The following CENPK variants were observed in gnomAD, a reference collection of about 807,000 sequenced individuals.
The protein encoded by CENPK is SoxLZ/Sox6-binding protein Solt.
Under a neutral mutation model 40.9 loss-of-function variants are expected in CENPK, and 46 were observed. The observed-to-expected ratio is 1.13, with a 90% confidence interval of 0.89 to 1.44. The LOEUF (loss-of-function observed/expected upper bound fraction) is 1.44. Among genes scored for constraint, CENPK ranks in the 40% most tolerant of loss-of-function variants. CENPK has a pLI of 0.00. For missense variants in CENPK, 288 were observed against 303.5 expected, an observed-to-expected ratio of 0.95 and a Z score of 0.38; for synonymous variants, 107 against 104.4, an observed-to-expected ratio of 1.02 and a Z score of -0.15.
the CENPK span, among the ~76,000 whole-genome samples, chr5:65,508,871 C>T: frequency 0.41 from 61,256 of 150,032 alleles, 12,801 homozygotes; most frequent in East Asian, 0.65. Flanking sequence ...TTTTTAGATA[C>T]GGCACCAAAA....
At chr5:65,538,185 GTAT>G (rs1170894513) in intron 6 of CENPK, among the ~76,000 whole-genome samples, 1 of 152,050 alleles carries the variant, frequency 6.6e-6, no homozygotes, top group Non-Finnish European at 1.5e-5. Flanking sequence ...CCTGTGGATG[GTAT>G]TATTTCTTTA....
At chr5:65,513,264 T>C (rs930186822), downstream of CENPK, among the ~76,000 whole-genome samples, 3 of 152,164 alleles carry the variant, frequency 2.0e-5, no homozygotes, top group African/African-American at 7.2e-5. Context: ...TCTAACTTTG[T>C]TCTTCTTAAA....
At position 65,542,845 on chromosome 5, in the gene CENPK, A is replaced by C; in HGVS notation, c.245T>G (p.Ile82Ser). 1 of 1,608,828 alleles carries C rather than the reference A, an allele frequency of 6.2e-7. No individual in the cohort carries two copies. Among genetic ancestry groups the C allele is most frequent in the Non-Finnish European group, 8.5e-7 (1 of 1,177,848 alleles). Residue 82 changes from isoleucine to serine, a missense_variant, in exon 6 of 11, where the codon ATT becomes AGT. Transcript: ENST00000396679. ...TATGAGAACGTCTTCAGTCAAGGGA[A>C]TTGCTACAAAAACAAAACAAAACAA... ...SQWQKKTPET[I>S]PLTEDVLITL...
intron 6 of CENPK, among the ~76,000 whole-genome samples, chr5:65,539,713 G>A (rs570519772): frequency 2.9e-4 from 44 of 152,324 alleles, no homozygotes; most frequent in Non-Finnish European, 4.7e-4. Context: ...CGCTGTGCCT[G>A]GGCACCATGG....
chr5:65,529,506 T>G (rs1238296089), intron 6 of CENPK: 2 of 213,692 alleles, frequency 9.4e-6, no homozygotes, highest in Non-Finnish European at 1.9e-5. Flanking sequence ...TTTTTTTTTT[T>G]TGAGACAGTC....
rs970156172 is a variant in CENPK at position 65,518,108 on chromosome 5, C to A, written c.*367G>T. The A allele has an allele frequency of 6.5e-6, 1 of 152,818 alleles. No homozygotes were observed. Among genetic ancestry groups the A allele is most frequent in the African/African-American group, 2.4e-5 (1 of 41,394 alleles). 9.5% of individuals were successfully genotyped at this position (152,818 alleles called of 1,614,324 possible). A position where few individuals can be genotyped will look rare whatever the true frequency, so the allele number is the denominator to read the frequency against. On this transcript the variant is annotated 3_prime_UTR_variant, in exon 11 of 11. Transcript: ENST00000396679. ...ATAATTTCTAAATATAAAGAAGCAC[C>A]AGCTGGAACTCAAAATGCATAAAAG...
the CENPK span, among the ~76,000 whole-genome samples, chr5:65,497,267 C>A: frequency 1.0e-3 from 152 of 151,602 alleles, no homozygotes; most frequent in East Asian, 0.028. Context: ...ACTCGGGTGG[C>A]TAAGGCAGGA....
At chr5:65,514,806 T>G (rs1742750839), downstream of CENPK, among the ~76,000 whole-genome samples, 1 of 152,232 alleles carries the variant, frequency 6.6e-6, no homozygotes, top group Admixed American at 6.5e-5. Flanking sequence ...TTCACAAAAT[T>G]GGTCCATTTC....
intron 9 of CENPK, among the ~76,000 whole-genome samples, chr5:65,527,646 A>G (rs756016362): frequency 1.3e-5 from 2 of 150,838 alleles, no homozygotes; most frequent in African/African-American, 4.9e-5. Context: ...AAAATAGTCA[A>G]TAACTTACAT....
intron 6 of CENPK, chr5:65,541,243 C>A: frequency 2.7e-6 from 1 of 370,312 alleles, no homozygotes; most frequent in South Asian, 2.0e-5. Flanking sequence ...ATGGAAACCC[C>A]TGATTTATAG....
At chr5:65,559,210 A>G (rs1751492397) in intron 2 of CENPK, among the ~76,000 whole-genome samples, 1 of 152,266 alleles carries the variant, frequency 6.6e-6, no homozygotes, top group East Asian at 1.9e-4. Flanking sequence ...GATACTTCAT[A>G]TTCATGGACT....
rs1270842832 is a variant in CENPK at position 65,541,439 on chromosome 5, G to T, written c.288+1363C>A. 5 of 456,266 alleles carry T rather than the reference G, an allele frequency of 1.1e-5. No homozygotes were observed. The Admixed American group carries it at 1.2e-4, about 11-fold the overall frequency. The allele number at this position is 456,266 out of a possible 1,614,324, so 28.3% of individuals were successfully genotyped here. ...GAGAGAATCATCATCTGCAGAATCTGCCAAAGAATTGGTTGCTGGTGAGAA... is the reference window on the plus strand; with the variant it reads ...GAGAGAATCATCATCTGCAGAATCTTCCAAAGAATTGGTTGCTGGTGAGAA... On this transcript the variant is annotated intron_variant, in intron 6 of 10. Coordinates refer to ENST00000396679, the MANE Select transcript of CENPK (RefSeq NM_022145.5).
chr5:65,562,881 A>G (rs1752272451), intron 1 of CENPK: 1 of 156,374 alleles, frequency 6.4e-6, no homozygotes, highest in Non-Finnish European at 1.4e-5. Context: ...GAAACCCGCG[A>G]GTTAACCACT....
chr5:65,525,880 T>C (rs879877477), intron 9 of CENPK, among the ~76,000 whole-genome samples: 7 of 152,104 alleles, frequency 4.6e-5, no homozygotes, highest in Non-Finnish European at 1.0e-4. Flanking sequence ...AACCCGACAG[T>C]ACCTTCCTTT....
chr5:65,507,208 C>G, the CENPK span, among the ~76,000 whole-genome samples: 1 of 151,972 alleles, frequency 6.6e-6, no homozygotes, highest in African/African-American at 2.4e-5. Context: ...TAATATCCAC[C>G]AGAACAAGAG....
intron 6 of CENPK, among the ~76,000 whole-genome samples, chr5:65,532,102 G>T (rs1745945538): frequency 6.6e-6 from 1 of 152,132 alleles, no homozygotes; most frequent in Non-Finnish European, 1.5e-5. Flanking sequence ...ATGGAGAAAT[G>T]TTATCGACAA....
chr5:65,559,086 A>G (rs1410101290), intron 2 of CENPK, among the ~76,000 whole-genome samples: 2 of 152,198 alleles, frequency 1.3e-5, no homozygotes, highest in African/African-American at 2.4e-5. Flanking sequence ...ATCAAACGCA[A>G]ATCAGAATAC....
intron 5 of CENPK, chr5:65,551,055 A>G: frequency 4.2e-6 from 1 of 237,112 alleles, no homozygotes; most frequent in Non-Finnish European, 8.7e-6. Context: ...CAGCCTGGGT[A>G]ACATGGTGAA....
At position 65,518,206 on chromosome 5, in the gene CENPK, C is replaced by A; in HGVS notation, c.*269G>T. 1 of 238,042 alleles carries A rather than the reference C, an allele frequency of 4.2e-6. No individual in the cohort carries two copies. The highest frequency in any genetic ancestry group is 8.0e-6 in the Non-Finnish European group (1 of 125,172). 14.7% of individuals were successfully genotyped at this position (238,042 alleles called of 1,614,324 possible). A position where few individuals can be genotyped will look rare whatever the true frequency, so the allele number is the denominator to read the frequency against. On this transcript the variant is annotated 3_prime_UTR_variant, in exon 11 of 11. Transcript: ENST00000396679. ...TCAACAAAGAATCCAAAGAATATTG[C>A]ATGAGGTAAGGTACATTAAATGTTT...
Sources: gnomAD v4.1 joint callset for allele counts (sites outside exome capture counted in the v4.1 genomes callset) on GRCh38, gnomAD v4.1.1 for gene constraint, MANE v1.5 for transcripts, NCBI Gene and HGNC (gene_info 2026-07-23, HGNC 2026-07-21) for gene names.